ANO4: variants seen among roughly 807,000 people sequenced by gnomAD.
ANO4 encodes the protein anoctamin-4.
Under a neutral mutation model 141.9 loss-of-function variants are expected in ANO4, and 69 were observed. The observed-to-expected ratio is 0.49, with a 90% CI of 0.40 to 0.59. The LOEUF is 0.59. Ranked by LOEUF, ANO4 falls within the 20% of genes least tolerant of loss-of-function variation. The pLI is 0.00. For missense variants in ANO4, 894 were observed against 1,162.2 expected (o/e 0.77, Z 3.36); for synonymous variants, 350 against 394.3 (o/e 0.89, Z 1.33).
intron 8 of ANO4, among the ~76,000 whole-genome samples, chr12:101,011,254 G>A (rs957865781): frequency 5.3e-5 from 8 of 151,590 alleles, no homozygotes; most frequent in Non-Finnish European, 1.2e-4. Flanking sequence ...TTGATAGAAG[G>A]AGCAAGAAAT....
intron 25 of ANO4, among the ~76,000 whole-genome samples, chr12:101,118,517 G>T (rs996042538): frequency 1.3e-5 from 2 of 152,116 alleles, no homozygotes; most frequent in African/African-American, 4.8e-5. Flanking sequence ...TATAGCAGGT[G>T]AGGCACCCAG....
At chr12:100,870,863 G>A (rs2038998142) in intron 1 of ANO4, among the ~76,000 whole-genome samples, 1 of 152,044 alleles carries the variant, frequency 6.6e-6, no homozygotes. Context: ...AGGCTTATTG[G>A]TTTTAAAGAA....
At chr12:100,946,515 G>C (rs1689356402) in intron 5 of ANO4, among the ~76,000 whole-genome samples, 1 of 152,194 alleles carries the variant, frequency 6.6e-6, no homozygotes, top group Admixed American at 6.5e-5. Context: ...TGAATGGGCA[G>C]TGTAAAAAAG....
At chr12:100,956,788 C>G (rs2043190430) in intron 5 of ANO4, among the ~76,000 whole-genome samples, 1 of 152,184 alleles carries the variant, frequency 6.6e-6, no homozygotes, top group Non-Finnish European at 1.5e-5. Context: ...GGGATCTCCC[C>G]CAACTGCACG....
chr12:100,738,894 A>C (rs1239709857), intron 2 of ANO4, among the ~76,000 whole-genome samples: 1 of 151,536 alleles, frequency 6.6e-6, no homozygotes, highest in Non-Finnish European at 1.5e-5. Flanking sequence ...CTGTATATTA[A>C]ATCTCTAGAC....
intron 5 of ANO4, among the ~76,000 whole-genome samples, chr12:100,963,826 T>C (rs909066186): frequency 6.6e-6 from 1 of 152,138 alleles, no homozygotes; most frequent in African/African-American, 2.4e-5. Flanking sequence ...CAAGGAATTC[T>C]AGTGTCAGCT....
intron 14 of ANO4, among the ~76,000 whole-genome samples, chr12:101,076,599 G>C (rs1347437553): frequency 6.6e-6 from 1 of 152,154 alleles, no homozygotes; most frequent in Admixed American, 6.5e-5. Flanking sequence ...CCTCAGATGA[G>C]AACCATAGAG....
chr12:100,914,639 A>G (rs900262461), intron 2 of ANO4, among the ~76,000 whole-genome samples: 1 of 152,188 alleles, frequency 6.6e-6, no homozygotes, highest in Non-Finnish European at 1.5e-5. Context: ...AAAAAACAAG[A>G]TGGAACTTTT....
At chr12:101,048,986 C>T (rs963817490) in intron 14 of ANO4, among the ~76,000 whole-genome samples, 1 of 152,098 alleles carries the variant, frequency 6.6e-6, no homozygotes, top group African/African-American at 2.4e-5. Flanking sequence ...ATTTAACCTA[C>T]CTCTTTGTAA....
At chr12:100,742,822 T>C (rs1349738717) in intron 3 of ANO4, among the ~76,000 whole-genome samples, 1 of 152,200 alleles carries the variant, frequency 6.6e-6, no homozygotes, top group Non-Finnish European at 1.5e-5. Flanking sequence ...CATCATTCTT[T>C]CCCTTCATTG....
chr12:100,819,357 A>C (rs1236626894), intron 1 of ANO4, among the ~76,000 whole-genome samples: 1 of 151,932 alleles, frequency 6.6e-6, no homozygotes, highest in Non-Finnish European at 1.5e-5. Flanking sequence ...AGCAATATAG[A>C]TAGGAAAGGG....
intron 1 of ANO4, among the ~76,000 whole-genome samples, chr12:100,868,511 T>G (rs2038873686): frequency 6.6e-6 from 1 of 152,222 alleles, no homozygotes; most frequent in African/African-American, 2.4e-5. Context: ...TTCATTTACC[T>G]TATTTCTGAT....
chr12:100,922,718 A>G (rs2041684862), intron 3 of ANO4, among the ~76,000 whole-genome samples: 1 of 152,160 alleles, frequency 6.6e-6, no homozygotes, highest in Admixed American at 6.6e-5. Context: ...TAAGAGGGAA[A>G]TGTTAGTGGA....
chr12:100,989,540 T>C (rs2044942453), intron 8 of ANO4, among the ~76,000 whole-genome samples: 1 of 146,026 alleles, frequency 6.8e-6, no homozygotes, highest in South Asian at 2.2e-4. Context: ...GATAGGTTGC[T>C]GGGTGGGTGG....
intron 22 of ANO4, among the ~76,000 whole-genome samples, chr12:101,103,183 T>TTATATATATATATATATA (rs71091476): frequency 5.4e-5 from 1 of 18,580 alleles, no homozygotes; most frequent in Non-Finnish European, 9.6e-5. Flanking sequence ...TTTAGTCATT[T>TTATATATATATATATATA]TATATATATA....
chr12:101,057,678 G>T lies in ANO4; in HGVS notation c.1312+9277G>T, dbSNP rs548952820. ...AAATGTCTTCTTTTGAGAAGTTTCT[G>T]TTCATATCCTTTGCCCACTTTTTAT... On this transcript the variant is annotated intron_variant, in intron 14 of 27. Coordinates refer to ENST00000392977, the MANE Select transcript of ANO4 (RefSeq NM_001286615.2). Among the ~76,000 whole-genome samples the T allele has an allele frequency of 2.6e-4, 40 of 152,182 alleles. 1 individual carries two copies. The South Asian group carries it at 8.1e-3, about 31-fold the overall frequency.
chr12:100,898,881 A>G (rs1593682820), intron 1 of ANO4, among the ~76,000 whole-genome samples: 1 of 152,126 alleles, frequency 6.6e-6, no homozygotes, highest in Admixed American at 6.5e-5. Context: ...CCTTCCCTTC[A>G]TCTGTCATCC....
chr12:100,985,842 G>C (rs1427052286), intron 7 of ANO4, among the ~76,000 whole-genome samples: 1 of 152,078 alleles, frequency 6.6e-6, no homozygotes, highest in Non-Finnish European at 1.5e-5. Context: ...GGAATTGATT[G>C]GTTATATAAA....
At chr12:101,044,944 A>G (rs976661427) in intron 13 of ANO4, among the ~76,000 whole-genome samples, 4 of 152,214 alleles carry the variant, frequency 2.6e-5, no homozygotes, top group Admixed American at 2.6e-4. Flanking sequence ...ATAAGCCTGA[A>G]TGACTCAGGT....
Sources: allele counts gnomAD v4.1 joint callset (sites outside exome capture counted in the v4.1 genomes callset), GRCh38; gene constraint gnomAD v4.1.1; transcripts MANE v1.5; gene names NCBI Gene and HGNC (gene_info 2026-07-23, HGNC 2026-07-21).